The following LEPROTL1 variants were observed in gnomAD, a reference collection of about 807,000 sequenced individuals.
The protein encoded by LEPROTL1 is leptin receptor overlapping transcript-like 1.
A neutral mutation model predicts 15.4 loss-of-function variants in LEPROTL1; 6 were observed. The observed-to-expected ratio is 0.39, with a 90% CI of 0.21 to 0.77. The LOEUF (loss-of-function observed/expected upper bound fraction) is 0.77. Ranked by LOEUF, LEPROTL1 falls within the 30% of genes least tolerant of loss-of-function variation. The probability of loss-of-function intolerance (pLI) is 0.41; values close to 1 mark genes in which losing one functional copy is unlikely to be tolerated. For missense variants in LEPROTL1, 128 were observed against 158.1 expected, an observed-to-expected ratio of 0.81 and a Z score of 1.02; for synonymous variants, 56 against 52.6, an observed-to-expected ratio of 1.06 and a Z score of -0.28.
At chr8:30,098,831 C>T (rs756347441) in intron 1 of LEPROTL1, among the ~76,000 whole-genome samples, 43 of 152,268 alleles carry the variant, frequency 2.8e-4, no homozygotes, top group Middle Eastern at 3.4e-3. Context: ...TCCCTCCTTT[C>T]GTGAAATGGA....
chr8:30,115,863 G>A (rs1194217777), intron 3 of LEPROTL1, among the ~76,000 whole-genome samples: 1 of 152,008 alleles, frequency 6.6e-6, no homozygotes, highest in Non-Finnish European at 1.5e-5. Flanking sequence ...TAATACCCAG[G>A]TAGTACATAT....
intron 3 of LEPROTL1, among the ~76,000 whole-genome samples, chr8:30,130,714 A>G (rs1802990542): frequency 6.6e-6 from 1 of 151,916 alleles, no homozygotes; most frequent in East Asian, 1.9e-4. Flanking sequence ...ACTTATTAAC[A>G]TATACCTGGG....
chr8:30,122,039 C>T (rs371617176), intron 3 of LEPROTL1, among the ~76,000 whole-genome samples: 47 of 151,798 alleles, frequency 3.1e-4, no homozygotes, highest in African/African-American at 8.9e-4. Context: ...TGGTGGCACG[C>T]GCCTGTAATC....
chr8:30,129,446 T>G (rs1346633128), intron 3 of LEPROTL1, among the ~76,000 whole-genome samples: 1 of 152,150 alleles, frequency 6.6e-6, no homozygotes, highest in Non-Finnish European at 1.5e-5. Context: ...GACTCACACC[T>G]GTGATCCCAG....
intron 2 of LEPROTL1, among the ~76,000 whole-genome samples, chr8:30,102,456 G>C (rs1802483988): frequency 6.6e-6 from 1 of 151,962 alleles, no homozygotes; most frequent in Non-Finnish European, 1.5e-5. Context: ...TTCAAGACCA[G>C]CCTGGCTAAC....
chr8:30,126,477 AT>A (rs1363249327), intron 3 of LEPROTL1, among the ~76,000 whole-genome samples: 1 of 152,202 alleles, frequency 6.6e-6, no homozygotes, highest in Non-Finnish European at 1.5e-5. Flanking sequence ...TCCTCATGGA[AT>A]TGATGAATCC....
intron 1 of LEPROTL1, among the ~76,000 whole-genome samples, chr8:30,101,337 T>C (rs1162240009): frequency 6.6e-6 from 1 of 152,086 alleles, no homozygotes; most frequent in Non-Finnish European, 1.5e-5. Flanking sequence ...GTCTGGGGAA[T>C]ATGGTGGGGT....
chr8:30,134,795 G>A (rs745406663), intron 4 of LEPROTL1, among the ~76,000 whole-genome samples: 51 of 152,120 alleles, frequency 3.4e-4, no homozygotes, highest in Non-Finnish European at 6.6e-4. Flanking sequence ...AGATCTGCCC[G>A]CCTCGGCCTC....
chr8:30,128,797 T>C (rs949240762), intron 3 of LEPROTL1, among the ~76,000 whole-genome samples: 2 of 150,748 alleles, frequency 1.3e-5, no homozygotes, highest in Non-Finnish European at 2.9e-5. Context: ...TATGGAAACT[T>C]GCACACATCT....
chr8:30,100,610 C>A (rs1470810469), intron 1 of LEPROTL1, among the ~76,000 whole-genome samples: 1 of 152,194 alleles, frequency 6.6e-6, no homozygotes, highest in Non-Finnish European at 1.5e-5. Context: ...CCACCACACC[C>A]AGCTAATTTT....
intron 4 of LEPROTL1, among the ~76,000 whole-genome samples, chr8:30,134,361 T>G (rs1357855956): frequency 2.6e-5 from 4 of 151,316 alleles, no homozygotes; most frequent in Non-Finnish European, 5.9e-5. Flanking sequence ...AGGCGGAGGT[T>G]GCAGTGAGCC....
intron 1 of LEPROTL1, chr8:30,096,196 T>G: frequency 1.3e-6 from 1 of 765,334 alleles, no homozygotes; most frequent in Non-Finnish European, 1.4e-6. Flanking sequence ...ATTTTTCTTT[T>G]TTTCCTTTTT....
chr8:30,108,954 G>T (rs910814775), downstream of LEPROTL1, among the ~76,000 whole-genome samples: 2 of 151,744 alleles, frequency 1.3e-5, no homozygotes, highest in African/African-American at 4.8e-5. Context: ...TTGTAGAGAT[G>T]GGGTTTTGCC....
At position 30,132,307 on chromosome 8, in the gene LEPROTL1, C is replaced by T. The variant is rs140897431; in HGVS notation, c.280-68C>T. 1.4e-5 allele frequency: 22 copies of T among 1,551,628 alleles called. No homozygotes were observed. Among genetic ancestry groups the T allele is most frequent in the Non-Finnish European group, 1.7e-5 (19 of 1,147,004 alleles). On this transcript the variant is annotated intron_variant, in intron 3 of 4. Transcript: ENST00000442880. ...CCTGCTGTGCTGGAATACAAGCCGT[C>T]GGAGCCATCGAGCTGTGCTTTGGTT...
intron 2 of LEPROTL1, among the ~76,000 whole-genome samples, chr8:30,102,310 A>G (rs1474795440): frequency 7.3e-6 from 1 of 136,338 alleles, no homozygotes; most frequent in East Asian, 2.2e-4. Context: ...GCAAAAAAAT[A>G]CCATAAGCAG....
chr8:30,129,165 T>A (rs1802952461), intron 3 of LEPROTL1, among the ~76,000 whole-genome samples: 1 of 152,084 alleles, frequency 6.6e-6, no homozygotes, highest in Non-Finnish European at 1.5e-5. Context: ...CCTCCCAAAG[T>A]GCTGAGATTA....
chr8:30,131,787 T>C (rs1803020198), intron 3 of LEPROTL1: 2 of 820,624 alleles, frequency 2.4e-6, no homozygotes, highest in Non-Finnish European at 3.7e-6. Context: ...CTAAAGTAGA[T>C]ACACAAATTC....
chr8:30,105,630 G>A, intron 3 of LEPROTL1, 116 bp from the exon 4 acceptor site: 2 of 623,876 alleles, frequency 3.2e-6, no homozygotes, highest in South Asian at 3.8e-5. Flanking sequence ...GACAATTATT[G>A]TTACAAGGCA....
chr8:30,128,594 T>TA (rs965537022), intron 3 of LEPROTL1, among the ~76,000 whole-genome samples: 1 of 151,170 alleles, frequency 6.6e-6, no homozygotes, highest in Non-Finnish European at 1.5e-5. Flanking sequence ...GTACAAAAAA[T>TA]AAAAAAAATT....
Sources: allele counts gnomAD v4.1 joint callset (sites outside exome capture counted in the v4.1 genomes callset), GRCh38; gene constraint gnomAD v4.1.1; transcripts MANE v1.5; gene names NCBI Gene and HGNC (gene_info 2026-07-23, HGNC 2026-07-21).